The following EYA4 variants were observed in gnomAD, a reference collection of about 807,000 sequenced individuals.
EYA4 encodes EYA transcriptional coactivator and phosphatase 4, also known as protein phosphatase EYA4.
EYA4 carries 31 observed loss-of-function variants against 87.9 expected under a neutral mutation model. The observed-to-expected ratio is 0.35, with a 90% CI of 0.27 to 0.48. The LOEUF (loss-of-function observed/expected upper bound fraction) is 0.48. Among genes scored for constraint, EYA4 ranks in the 20% least tolerant of loss-of-function variants. The pLI is 0.99. For missense variants in EYA4, 678 were observed against 761.4 expected (o/e 0.89, Z 1.29); for synonymous variants, 263 against 270.6 (o/e 0.97, Z 0.28).
At chr6:133,256,856 T>A (rs1027500749) in intron 1 of EYA4, among the ~76,000 whole-genome samples, 2 of 152,178 alleles carry the variant, frequency 1.3e-5, no homozygotes, top group African/African-American at 4.8e-5. Context: ...TTTTGATTAA[T>A]CTTCAATGGT....
intron 1 of EYA4, among the ~76,000 whole-genome samples, chr6:133,250,083 G>A (rs2128228383): frequency 6.6e-6 from 1 of 152,338 alleles, no homozygotes; most frequent in African/African-American, 2.4e-5. Context: ...GGAACAGTGA[G>A]AAGGGCAGTG....
chr6:133,430,080 T>C (rs1791052278), intron 3 of EYA4, among the ~76,000 whole-genome samples: 4 of 152,206 alleles, frequency 2.6e-5, no homozygotes, highest in Admixed American at 2.6e-4. Context: ...CCATGAGTAC[T>C]CAATGTTTAG....
intron 2 of EYA4, among the ~76,000 whole-genome samples, chr6:133,375,590 G>A (rs75114759): frequency 0.017 from 2,505 of 151,690 alleles, 59 homozygotes; most frequent in African/African-American, 0.055. Context: ...CTAGAAACCA[G>A]GATAATCTAG....
intron 1 of EYA4, among the ~76,000 whole-genome samples, chr6:133,242,225 T>TC (rs1236831300): frequency 6.6e-6 from 1 of 152,046 alleles, no homozygotes; most frequent in Non-Finnish European, 1.5e-5. Context: ...TGACCCAGAG[T>TC]CCTTCGGAGG....
intron 6 of EYA4, among the ~76,000 whole-genome samples, chr6:133,459,989 G>A (rs1398208707): frequency 2.0e-5 from 3 of 152,008 alleles, no homozygotes; most frequent in African/African-American, 7.2e-5. Context: ...ATTAAATGAT[G>A]CATGTTTGTG....
chr6:133,435,732 G>A (rs1354560479), intron 3 of EYA4, among the ~76,000 whole-genome samples: 2 of 152,184 alleles, frequency 1.3e-5, no homozygotes, highest in Non-Finnish European at 2.9e-5. Context: ...GCAGTGGCAT[G>A]TCCTACTAAT....
rs142455202 is a variant in EYA4 at position 133,407,947 on chromosome 6, A to G, written c.83+25506A>G. 2.6e-3 allele frequency among the ~76,000 whole-genome samples: 398 copies of G among 152,280 alleles called. 4 individuals are homozygous for G. The highest frequency in any genetic ancestry group is 9.2e-3 in the African/African-American group (384 of 41,558). ...CTTTAGCATTCTTTGGAGGATTTAA[A>G]GTATGGGGGGAAGAAAAGGAAACCT... is the stretch of plus-strand genomic sequence containing the variant. On this transcript the variant is annotated intron_variant, in intron 3 of 19. Coordinates refer to ENST00000355286, the MANE Select transcript of EYA4 (RefSeq NM_004100.5).
At chr6:133,288,219 G>A (rs1778222585) in intron 2 of EYA4, among the ~76,000 whole-genome samples, 1 of 152,234 alleles carries the variant, frequency 6.6e-6, no homozygotes, top group Admixed American at 6.5e-5. Flanking sequence ...AATGGGCATG[G>A]TTGTGTTCCA....
In EYA4 at chr6:133,512,969, A is replaced by T. The variant is rs1799284620; in HGVS notation, c.1432A>T (p.Met478Leu). ...AGGTGTAAGAGGAGGGGTTGACTGG[A>T]TGAGGAAGTTGGCTTTTCGTTACAG... ...PTGVRGGVDW[M>L]RKLAFRYRRV... Residue 478 changes from methionine (M) to leucine (L), a missense_variant, in exon 16 of 20, where the codon ATG (methionine) becomes TTG (leucine). By Grantham distance (15) the Met-to-Leu change is conservative. Coordinates refer to ENST00000355286, the MANE Select transcript of EYA4 (RefSeq NM_004100.5). 1 of 1,614,124 alleles carries T rather than the reference A, an allele frequency of 6.2e-7. No homozygotes were observed.
chr6:133,252,438 G>A (rs1164820631), intron 1 of EYA4, among the ~76,000 whole-genome samples: 1 of 152,120 alleles, frequency 6.6e-6, no homozygotes, highest in Non-Finnish European at 1.5e-5. Context: ...ACTCTCTTTT[G>A]TGAATTCTCA....
intron 4 of EYA4, among the ~76,000 whole-genome samples, chr6:133,447,741 T>C (rs1792993147): frequency 1.3e-5 from 2 of 152,202 alleles, no homozygotes; most frequent in Admixed American, 1.3e-4. Flanking sequence ...ATTAACATTT[T>C]CCTTGTTTAT....
In EYA4 at chr6:133,486,054, A is replaced by G. The variant is rs377646854; in HGVS notation, c.1191+2939A>G. Reference sequence around the variant, plus strand: ...AAATCTGTAAAATGGGAATAACACCATCTGTTAGATTGACCACACTGAATA... The same window carrying G: ...AAATCTGTAAAATGGGAATAACACCGTCTGTTAGATTGACCACACTGAATA... On this transcript the variant is annotated intron_variant, in intron 13 of 19. Transcript: ENST00000355286. Among the ~76,000 whole-genome samples the G allele has an allele frequency of 1.8e-3, 274 of 152,362 alleles. 1 individual carries two copies. Among genetic ancestry groups the G allele is most frequent in the Non-Finnish European group, 2.6e-3 (178 of 68,036 alleles).
At chr6:133,481,125 A>G (rs1032627970) in intron 11 of EYA4, among the ~76,000 whole-genome samples, 1 of 152,170 alleles carries the variant, frequency 6.6e-6, no homozygotes, top group Admixed American at 6.6e-5. Flanking sequence ...GAATTGATCC[A>G]GAAGAAGACA....
chr6:133,413,615 T>TA (rs752900220), intron 3 of EYA4, among the ~76,000 whole-genome samples: 6 of 152,218 alleles, frequency 3.9e-5, no homozygotes, highest in Admixed American at 6.5e-5. Flanking sequence ...GCTTATCCCT[T>TA]AAGCAATGTT....
At chr6:133,437,620 A>G (rs1211719515) in intron 3 of EYA4, among the ~76,000 whole-genome samples, 2 of 152,208 alleles carry the variant, frequency 1.3e-5, no homozygotes, top group Non-Finnish European at 2.9e-5. Flanking sequence ...TGGGTAATTT[A>G]TAGAGGAAAG....
intron 3 of EYA4, among the ~76,000 whole-genome samples, chr6:133,410,589 CA>C (rs779978372): frequency 3.6e-4 from 46 of 129,316 alleles, no homozygotes; most frequent in South Asian, 5.4e-4. Context: ...TCCTCCTAAC[CA>C]AAAAAAAAAA....
chr6:133,304,500 G>C (rs1417667842), intron 2 of EYA4, among the ~76,000 whole-genome samples: 2 of 152,180 alleles, frequency 1.3e-5, no homozygotes. Context: ...TAACAGAGGT[G>C]GGTGAGACAA....
intron 2 of EYA4, among the ~76,000 whole-genome samples, chr6:133,286,821 C>A (rs1050658326): frequency 2.0e-5 from 3 of 152,182 alleles, no homozygotes; most frequent in African/African-American, 7.2e-5. Flanking sequence ...CTAGGCACTT[C>A]AGGTTAGGAA....
rs145136508 is a variant in EYA4, at chr6:133,336,322, A to T, written c.34-46070A>T. ...CACTTTAATCAAGGGATTAGATTTAACTTCACAATTAGTGGTACAGCCTGG... is the reference window on the plus strand; with the variant it reads ...CACTTTAATCAAGGGATTAGATTTATCTTCACAATTAGTGGTACAGCCTGG... On this transcript the variant is annotated intron_variant, in intron 2 of 19. Transcript: ENST00000355286. Among the ~76,000 whole-genome samples the T allele has an allele frequency of 2.5e-3, 386 of 152,318 alleles. 2 individuals are homozygous for T. Among genetic ancestry groups the T allele is most frequent in the Non-Finnish European group, 4.3e-3 (293 of 68,022 alleles).
Sources: allele counts gnomAD v4.1 joint callset (sites outside exome capture counted in the v4.1 genomes callset), GRCh38; gene constraint gnomAD v4.1.1; transcripts MANE v1.5; gene names NCBI Gene and HGNC (gene_info 2026-07-23, HGNC 2026-07-21).